ACOT2: variants seen among roughly 807,000 people sequenced by gnomAD.
ACOT2 encodes acyl-CoA thioesterase 2, also known as acyl-coenzyme A thioesterase 2, mitochondrial.
Under a neutral mutation model 20.1 loss-of-function variants are expected in ACOT2, and 15 were observed. The observed-to-expected ratio is 0.75, with a 90% CI of 0.50 to 1.15. The LOEUF (loss-of-function observed/expected upper bound fraction) is 1.15, where lower values mean the gene tolerates loss of function less well. Among genes scored for constraint, ACOT2 ranks in the 50% most tolerant of loss-of-function variants. The probability of loss-of-function intolerance (pLI) is 0.00; values close to 1 mark genes in which losing one functional copy is unlikely to be tolerated. For synonymous variants in ACOT2, 252 were observed against 268.4 expected (o/e 0.94, Z 0.60); for missense variants, 479 against 615.3 (o/e 0.78, Z 2.34).
At chr14:73,573,032 A>C (rs1448780682) in intron 1 of ACOT2, among the ~76,000 whole-genome samples, 1 of 151,612 alleles carries the variant, frequency 6.6e-6, no homozygotes, top group Non-Finnish European at 1.5e-5. Context: ...ATTCAGAATG[A>C]GTAGCCTTTT....
chr14:73,568,970 A>G (rs930361603), upstream of ACOT2: 3 of 507,274 alleles, frequency 5.9e-6, no homozygotes, highest in Non-Finnish European at 1.1e-5. Flanking sequence ...CTTCGCCATC[A>G]GGAGTTTGGA....
At chr14:73,570,387 G>A (rs1889701920) in intron 1 of ACOT2, among the ~76,000 whole-genome samples, 1 of 151,804 alleles carries the variant, frequency 6.6e-6, no homozygotes, top group South Asian at 2.1e-4. Context: ...GACTAACACG[G>A]TGAAACCCCG....
rs759026726 is a variant in ACOT2 at position 73,569,727 on chromosome 14, C to A, written c.487C>A (p.Pro163Thr). 6.2e-7 allele frequency: 1 copy of A among 1,609,488 alleles called. No homozygotes were observed. Among genetic ancestry groups the A allele is most frequent in the East Asian group, 2.2e-5 (1 of 44,824 alleles). ...VRLVKRDVRT[P>T]LAVELEVLDG... ...GCTGGTGAAGCGCGACGTGCGAACG[C>A]CCTTGGCCGTGGAGCTGGAGGTGCT... Residue 163 changes from proline (P) to threonine (T), a missense_variant, in exon 1 of 3, where the codon CCC becomes ACC. Physicochemically the swap from Pro to Thr is conservative, Grantham distance 38. Coordinates refer to ENST00000238651, the MANE Select transcript of ACOT2 (RefSeq NM_006821.6).
chr14:73,574,483 A>C (rs1889838614), intron 2 of ACOT2: 2 of 319,170 alleles, frequency 6.3e-6, no homozygotes, highest in Non-Finnish European at 1.2e-5. Flanking sequence ...GACTGATCTC[A>C]AACTCCTGAC....
rs201308214 is a variant in ACOT2, at chr14:73,575,570, C to T, written c.*57C>T. ...TAATCTCTCCTGGAAACATCTGCCA[C>T]ATTTAGTGTGTGTATGTGTATTCAT... is the stretch of plus-strand genomic sequence containing the variant. On this transcript the variant is annotated 3_prime_UTR_variant, in exon 3 of 3. Coordinates refer to ENST00000238651, the MANE Select transcript of ACOT2 (RefSeq NM_006821.6). 2.5e-5 allele frequency: 38 copies of T among 1,546,144 alleles called. No homozygotes were observed. The highest frequency in any genetic ancestry group is 3.3e-5 in the Non-Finnish European group (38 of 1,150,060).
chr14:73,568,565 C>CAA (rs35487534), upstream of ACOT2, among the ~76,000 whole-genome samples: 4 of 143,326 alleles, frequency 2.8e-5, no homozygotes, highest in South Asian at 2.2e-4. Context: ...CCCTGTCTCT[C>CAA]AAAAAAAAAA....
intron 2 of ACOT2, chr14:73,574,533 GAT>G: frequency 2.5e-6 from 1 of 396,124 alleles, no homozygotes; most frequent in Non-Finnish European, 4.7e-6. Context: ...AAACTGTTGG[GAT>G]TACAGGCGTC....
upstream of ACOT2, chr14:73,567,969 A>G (rs1018964539): frequency 6.6e-6 from 1 of 152,168 alleles, no homozygotes; most frequent in Non-Finnish European, 1.5e-5. Context: ...TCAGAACTGT[A>G]TTAAGAACTG....
At chr14:73,568,364 C>A (rs543575680), upstream of ACOT2, among the ~76,000 whole-genome samples, 26 of 145,292 alleles carry the variant, frequency 1.8e-4, 1 homozygote, top group South Asian at 5.1e-3. Context: ...AAAAAAAAAA[C>A]ACCACACCTC....
In ACOT2 at chr14:73,573,508, A is replaced by G. The variant is rs764178141; in HGVS notation, c.764A>G (p.Tyr255Cys). 2 of 1,613,622 alleles carry G rather than the reference A, an allele frequency of 1.2e-6. No individual in the cohort carries two copies. Among genetic ancestry groups the G allele is most frequent in the South Asian group, 2.2e-5 (2 of 91,036 alleles). The change falls in exon 2 of 3, where the codon TAT (tyrosine) becomes TGT (cysteine). Residue 255 changes from tyrosine to cysteine, a missense_variant. By Grantham distance (194) the Tyr-to-Cys change is radical. Transcript: ENST00000238651. ...FAVMALAYYN[Y>C]EDLPKTMETL... ...GTGATGGCTCTGGCTTATTATAACT[A>G]TGAAGACCTCCCCAAGACCATGGAG...
intron 1 of ACOT2, among the ~76,000 whole-genome samples, chr14:73,570,483 G>T (rs1889705709): frequency 6.6e-6 from 1 of 151,932 alleles, no homozygotes; most frequent in Non-Finnish European, 1.5e-5. Flanking sequence ...GCAGGAGAAT[G>T]GTGTGAACCC....
At chr14:73,574,886 T>C in intron 2 of ACOT2, 22 bp from the exon 3 acceptor site, 1 of 1,613,352 alleles carries the variant, frequency 6.2e-7, no homozygotes, top group South Asian at 1.1e-5. Flanking sequence ...TTCTTCTTCT[T>C]TTTCCTTTGT....
At chr14:73,572,702 GT>G (rs1395543399) in intron 1 of ACOT2, among the ~76,000 whole-genome samples, 4 of 144,230 alleles carry the variant, frequency 2.8e-5, no homozygotes, top group African/African-American at 1.0e-4. Flanking sequence ...GGCTGGAGTA[GT>G]GGCACAATCT....
intron 1 of ACOT2, 105 bp downstream of exon 1, chr14:73,569,988 C>G: frequency 3.5e-6 from 5 of 1,443,100 alleles, no homozygotes; most frequent in Non-Finnish European, 3.7e-6. Context: ...GCCGCGCCCC[C>G]GGGCTATATT....
upstream of ACOT2, among the ~76,000 whole-genome samples, chr14:73,568,360 A>AG (rs1889641215): frequency 2.0e-5 from 3 of 151,772 alleles, no homozygotes; most frequent in Non-Finnish European, 4.4e-5. Flanking sequence ...ATGAAAAAAA[A>AG]AAACACCACA....
chr14:73,568,845 G>A (rs1889649699), upstream of ACOT2, among the ~76,000 whole-genome samples: 1 of 152,054 alleles, frequency 6.6e-6, no homozygotes, highest in African/African-American at 2.4e-5. Context: ...GGCATATACA[G>A]AGAACACAAA....
At position 73,573,558 on chromosome 14, in the gene ACOT2, G is replaced by A. The variant is rs1278678258; in HGVS notation, c.814G>A (p.Glu272Lys). The A allele has an allele frequency of 6.2e-7, 1 of 1,613,556 alleles. No individual in the cohort carries two copies. The highest frequency in any genetic ancestry group is 1.3e-5 in the African/African-American group (1 of 74,858). Residue 272 changes from glutamate (E) to lysine (K), a missense_variant, in exon 2 of 3, where the codon GAA becomes AAA. Around this residue, in one of 4 missense-constraint regions of ACOT2, gnomAD observed 400 missense variants for 395.5 expected, o/e 1.01. Transcript: ENST00000238651. ...GACGCTCCATCTGGAGTACTTTGAA[G>A]AAGCCATGAACTACTTGCTCAGTCA... is the stretch of plus-strand genomic sequence containing the variant. ...METLHLEYFEEAMNYLLSHPE... is the reference protein window; with the variant it reads ...METLHLEYFEKAMNYLLSHPE...
At position 73,575,474 on chromosome 14, in the gene ACOT2, C is replaced by G. The variant is rs1458418953; in HGVS notation, c.1413C>G (p.His471Gln). Residue 471 changes from histidine to glutamine, a missense_variant, in exon 3 of 3, where the codon CAC (histidine) becomes CAG (glutamine). By Grantham distance (24) the His-to-Gln change is conservative (BLOSUM62 0). Around this residue, in one of 4 missense-constraint regions of ACOT2, gnomAD observed 40 missense variants for 93.4 expected, o/e 0.43. Coordinates refer to ENST00000238651, the MANE Select transcript of ACOT2 (RefSeq NM_006821.6). ...AACTCCAGACTTTCTTCCACAAACA[C>G]TTGGGTGGCCACGAGGGGACAATCC... ...WKQLQTFFHK[H>Q]LGGHEGTIPS... The G allele has an allele frequency of 6.7e-7, 1 of 1,496,300 alleles. No homozygotes were observed. The highest frequency in any genetic ancestry group is 1.6e-5 in the African/African-American group (1 of 62,564). 92.7% of individuals were successfully genotyped at this position (1,496,300 alleles called of 1,614,324 possible).
chr14:73,569,529 C>T lies in ACOT2; in HGVS notation c.289C>T (p.Arg97Cys), dbSNP rs1174727774. The change falls in exon 1 of 3, where the codon CGC becomes TGC. Residue 97 changes from arginine (R) to cysteine (C), a missense_variant. By Grantham distance (180) the Arg-to-Cys change is radical. Transcript: ENST00000238651. The stretch of plus-strand genomic sequence containing the variant: ...AGCCCCGGAGCAGCCGGTCACGCTG[C>T]GCGCGTCCCTGCGCGACGAGAAGGG... Reference protein sequence around the residue: ...GLAPEQPVTLRASLRDEKGAL... With the variant: ...GLAPEQPVTLCASLRDEKGAL... 6.2e-7 allele frequency: 1 copy of T among 1,607,432 alleles called. No individual in the cohort carries two copies. The highest frequency in any genetic ancestry group is 2.2e-5 in the East Asian group (1 of 44,762).
Sources: allele counts gnomAD v4.1 joint callset (sites outside exome capture counted in the v4.1 genomes callset), GRCh38; gene constraint gnomAD v4.1.1; regional missense constraint gnomAD v4.1.1; transcripts MANE v1.5; gene names NCBI Gene and HGNC (gene_info 2026-07-23, HGNC 2026-07-21).